Variants in SLC25A40 observed in about 807,000 individuals in gnomAD.
SLC25A40 encodes mitochondrial glutathione transporter SLC25A40.
A neutral mutation model predicts 46.5 loss-of-function variants in SLC25A40; 41 were observed. The observed-to-expected ratio is 0.88, with a 90% CI of 0.69 to 1.14. The LOEUF (loss-of-function observed/expected upper bound fraction) is 1.14. Ranked by LOEUF, SLC25A40 falls within the 50% of genes most tolerant of loss-of-function variation. The pLI is 0.00. For synonymous variants in SLC25A40, 126 were observed against 127.5 expected (o/e 0.99, Z 0.08); for missense variants, 386 against 393.6 (o/e 0.98, Z 0.16).
At chr7:87,870,373 T>A (rs1838878708) in intron 1 of SLC25A40, among the ~76,000 whole-genome samples, 1 of 152,030 alleles carries the variant, frequency 6.6e-6, no homozygotes, top group Non-Finnish European at 1.5e-5. Context: ...CTTTCAAGAT[T>A]AACTTATAAA....
At chr7:87,863,329 G>A (rs775657902) in intron 1 of SLC25A40, among the ~76,000 whole-genome samples, 29 of 152,062 alleles carry the variant, frequency 1.9e-4, no homozygotes, top group Non-Finnish European at 3.4e-4. Context: ...CCCACATGAT[G>A]TTCTTGTGAT....
intron 5 of SLC25A40, among the ~76,000 whole-genome samples, chr7:87,851,972 A>T (rs1838519848): frequency 6.6e-6 from 1 of 152,228 alleles, no homozygotes; most frequent in African/African-American, 2.4e-5. Flanking sequence ...CCTACTCTCT[A>T]ATTGCATTAT....
chr7:87,856,904 AAAT>A (rs1395670337), intron 3 of SLC25A40, among the ~76,000 whole-genome samples: 1 of 152,206 alleles, frequency 6.6e-6, no homozygotes, highest in Non-Finnish European at 1.5e-5. Flanking sequence ...AACAAATGCC[AAAT>A]AATGTTTCTA....
intron 1 of SLC25A40, among the ~76,000 whole-genome samples, chr7:87,868,180 C>T (rs1367459992): frequency 6.6e-6 from 1 of 152,166 alleles, no homozygotes; most frequent in Non-Finnish European, 1.5e-5. Context: ...AGCTGGCTGT[C>T]CACCTCAATC....
At chr7:87,836,634 T>G (rs936081769) in intron 11 of SLC25A40, 96 bp downstream of exon 11, 1 of 670,610 alleles carries the variant, frequency 1.5e-6, no homozygotes, top group Admixed American at 3.5e-5. Flanking sequence ...AAATGTAGTA[T>G]GTTACCTATA....
Position 87,843,582 on chromosome 7 carries a change from A to G in SLC25A40, c.741+172T>C, listed in dbSNP as rs530337820. Among the ~76,000 whole-genome samples the G allele has an allele frequency of 2.6e-5, 4 of 152,204 alleles. No individual in the cohort carries two copies. The South Asian group carries it at 6.2e-4, about 24-fold the overall frequency. ...ATAAAAACAAATACAGTATATTTAAATTATTTTATTTGCTAATAATTTGTT... is the reference window on the plus strand; with the variant it reads ...ATAAAAACAAATACAGTATATTTAAGTTATTTTATTTGCTAATAATTTGTT... On this transcript the variant is annotated intron_variant, in intron 9 of 11. Transcript: ENST00000341119.
At chr7:87,853,980 T>A (rs940882378) in intron 5 of SLC25A40, among the ~76,000 whole-genome samples, 2 of 152,346 alleles carry the variant, frequency 1.3e-5, no homozygotes, top group East Asian at 3.9e-4. Flanking sequence ...TTTTTCATTT[T>A]ATATTATCTC....
chr7:87,856,320 G>A lies in SLC25A40; in HGVS notation c.129C>T (p.Leu43=). 3.7e-6 allele frequency: 6 copies of A among 1,613,368 alleles called. No individual in the cohort carries two copies. Among genetic ancestry groups the A allele is most frequent in the East Asian group, 2.2e-5 (1 of 44,796 alleles). ...VTPLDVVKIR[L]QAQNNPLPKG... ...TGGGGAGTGGGTTGTTTTGGGCTTGGAGTCTAATTTTAACAACATCCAGGG... is the reference window on the plus strand; with the variant it reads ...TGGGGAGTGGGTTGTTTTGGGCTTGAAGTCTAATTTTAACAACATCCAGGG... Residue 43 remains leucine (L), a synonymous_variant, in exon 4 of 12, where the codon CTC becomes CTT. Transcript: ENST00000341119.
intron 9 of SLC25A40, among the ~76,000 whole-genome samples, chr7:87,842,753 A>G (rs17149954): frequency 0.025 from 3,762 of 152,226 alleles, 142 homozygotes; most frequent in African/African-American, 0.085. Context: ...TTTATTTGAA[A>G]GCTGTCAAAA....
chr7:87,856,334 CA>C lies in SLC25A40; in HGVS notation c.114del (p.Val39LeufsTer73). 1 of 1,612,978 alleles carries C rather than the reference CA, an allele frequency of 6.2e-7. No individual in the cohort carries two copies. The highest frequency in any genetic ancestry group is 8.5e-7 in the Non-Finnish European group (1 of 1,179,418). On this transcript the variant is annotated frameshift_variant, in exon 4 of 12. Transcript: ENST00000341119. LOFTEE classifies it high-confidence loss of function. ...TTTTGGGCTTGGAGTCTAATTTTAA[CA>C]ACATCCAGGGGTGTCACTATGAAGA... is the stretch of plus-strand genomic sequence containing the variant. ...LTSVIVTPLDVVKIRLQAQNN... is the reference protein window; with the variant it reads ...LTSVIVTPLDXVKIRLQAQNN...
At position 87,875,641 on chromosome 7, in the gene SLC25A40, G is replaced by GA. The variant is rs931350527; in HGVS notation, c.-94+454dup. 2.2e-4 allele frequency among the ~76,000 whole-genome samples: 32 copies of GA among 147,966 alleles called. No homozygotes were observed. The East Asian group carries it at 2.7e-3, about 13-fold the overall frequency. On this transcript the variant is annotated intron_variant, in intron 1 of 11. Coordinates refer to ENST00000341119, the MANE Select transcript of SLC25A40 (RefSeq NM_018843.4). ...TTGATCTTTAATCTCTGTTTTACAG[G>GA]AAAAAAAAATGAGATGTTACTTTCC...
At chr7:87,860,078 T>C (rs924153999) in intron 2 of SLC25A40, 10 of 152,076 alleles carry the variant, frequency 6.6e-5, no homozygotes, top group Non-Finnish European at 1.5e-4. Flanking sequence ...AAACCTGTAG[T>C]CCCAGTTCCG....
intron 8 of SLC25A40, among the ~76,000 whole-genome samples, chr7:87,844,844 G>C (rs1461579679): frequency 6.6e-6 from 1 of 152,004 alleles, no homozygotes; most frequent in Non-Finnish European, 1.5e-5. Flanking sequence ...AAAAAGAGAT[G>C]AATACAACCT....
intron 1 of SLC25A40, among the ~76,000 whole-genome samples, chr7:87,866,993 G>A (rs1401330238): frequency 6.6e-5 from 10 of 150,388 alleles, no homozygotes; most frequent in South Asian, 4.2e-4. Context: ...CCTTTTAAGC[G>A]CTTATTCTGT....
Position 87,835,506 on chromosome 7 carries a change from CAAGTTTGACTG to C in SLC25A40, c.*732_*742del, listed in dbSNP as rs2130992351. The C allele has an allele frequency of 6.6e-6, 1 of 151,594 alleles. No homozygotes were observed. The highest frequency in any genetic ancestry group is 6.6e-5 in the Admixed American group (1 of 15,138). The allele number at this position is 151,594 out of a possible 1,614,324, so 9.4% of individuals were successfully genotyped here. A position where few individuals can be genotyped will look rare whatever the true frequency, so the allele number is the denominator to read the frequency against. ...ACTATATGGTTTACCACTGAACACC[CAAGTTTGACTG>C]AAGTGAACATTTGCTACTATCAGTA... On this transcript the variant is annotated 3_prime_UTR_variant, in exon 12 of 12. Transcript: ENST00000341119.
chr7:87,851,719 A>AT (rs1206727436), intron 5 of SLC25A40, among the ~76,000 whole-genome samples: 1 of 152,208 alleles, frequency 6.6e-6, no homozygotes, highest in African/African-American at 2.4e-5. Flanking sequence ...CTGTGTGTCA[A>AT]TAGAGGCTGG....
At chr7:87,872,184 T>A (rs555072457) in intron 1 of SLC25A40, among the ~76,000 whole-genome samples, 2 of 152,296 alleles carry the variant, frequency 1.3e-5, no homozygotes, top group South Asian at 4.1e-4. Flanking sequence ...CTTTTGTGGG[T>A]TTGACAAACT....
intron 10 of SLC25A40, among the ~76,000 whole-genome samples, chr7:87,838,511 A>G (rs1232752870): frequency 6.6e-6 from 1 of 151,550 alleles, no homozygotes; most frequent in East Asian, 1.9e-4. Flanking sequence ...TTTTATTATT[A>G]AATACTTCAA....
rs774572304 is a variant in SLC25A40 at position 87,854,282 on chromosome 7, G to A, written c.186C>T (p.Leu62=). The A allele has an allele frequency of 6.2e-7, 1 of 1,612,676 alleles. No homozygotes were observed. The highest frequency in any genetic ancestry group is 8.5e-7 in the Non-Finnish European group (1 of 1,179,016). ...KGKCFVYSNG[L]MDHLCVCEEG... is the part of the protein sequence containing the mutation. ...CTTCACAGACACATAGATGATCCAT[G>A]AGTCCATTACTATATACAAAACATT... The change falls in exon 5 of 12, where the codon CTC becomes CTT. Residue 62 remains leucine (L), a synonymous_variant. Coordinates refer to ENST00000341119, the MANE Select transcript of SLC25A40 (RefSeq NM_018843.4).
Sources: allele counts gnomAD v4.1 joint callset (sites outside exome capture counted in the v4.1 genomes callset), GRCh38; gene constraint gnomAD v4.1.1; transcripts MANE v1.5; gene names NCBI Gene and HGNC (gene_info 2026-07-23, HGNC 2026-07-21).